RET: variants seen among roughly 807,000 people sequenced by gnomAD.
RET encodes proto-oncogene tyrosine-protein kinase receptor Ret.
A neutral mutation model predicts 118.3 loss-of-function variants in RET; 19 were observed. The observed-to-expected ratio is 0.16, with a 90% CI of 0.11 to 0.24. RET has a LOEUF of 0.24. RET is among the 10% of genes least tolerant of loss of function. The pLI is 1.00. For synonymous variants in RET, 597 were observed against 644.1 expected, an observed-to-expected ratio of 0.93 and a Z score of 1.11; for missense variants, 1,219 against 1,502.1, an observed-to-expected ratio of 0.81 and a Z score of 3.12.
In RET at chr10:43,105,166, C is replaced by T. The variant is rs2132708892; in HGVS notation, c.840C>T (p.Ser280=). 6.2e-7 allele frequency: 1 copy of T among 1,612,838 alleles called. No individual in the cohort carries two copies. The highest frequency in any genetic ancestry group is 8.5e-7 in the Non-Finnish European group (1 of 1,179,880). Residue 280 remains serine, a synonymous_variant, in exon 4 of 20, where the codon AGC becomes AGT. Transcript: ENST00000355710. ...TCCCCGCGGGCGTCGACACCGCCAGCGCCGTGGTGGAGTTCAAGCGGAAGG... is the reference window on the plus strand; with the variant it reads ...TCCCCGCGGGCGTCGACACCGCCAGTGCCGTGGTGGAGTTCAAGCGGAAGG... ...PTFPAGVDTA[S]AVVEFKRKED...
At position 43,109,164 on chromosome 10, in the gene RET, G is replaced by T. The variant is rs148371113; in HGVS notation, c.1197G>T (p.Pro399=). The T allele has an allele frequency of 6.2e-7, 1 of 1,613,820 alleles. No homozygotes were observed. The highest frequency in any genetic ancestry group is 8.5e-7 in the Non-Finnish European group (1 of 1,180,036). Residue 399 remains proline, a synonymous_variant, in exon 6 of 20, where the codon CCG becomes CCT. Coordinates refer to ENST00000355710, the MANE Select transcript of RET (RefSeq NM_020975.6). ...LLLHFNVSVL[P]VSLHLPSTYS... ...TCCACTTCAACGTGTCGGTGCTGCC[G>T]GTCAGCCTGCACCTGCCCAGTACCT...
chr10:43,114,628 C>G lies in RET; in HGVS notation c.2028C>G (p.Phe676Leu), dbSNP rs1412224986. Residue 676 changes from phenylalanine (F) to leucine (L), a missense_variant, in exon 11 of 20, where the codon TTC becomes TTG. By Grantham distance (22) the Phe-to-Leu change is conservative (BLOSUM62 0). Coordinates refer to ENST00000355710, the MANE Select transcript of RET (RefSeq NM_020975.6). The surrounding 1 kb of genome is among the most constrained non-coding windows in gnomAD (Gnocchi z 4.6). The part of the protein sequence containing the change: ...KPPISSAEMT[F>L]RRPAQAFPVS... ...CCATCTCCTCAGCTGAGATGACCTT[C>G]CGGAGGCCCGCCCAGGCCTTCCCGG... 6.2e-7 allele frequency: 1 copy of G among 1,613,116 alleles called. No homozygotes were observed.
chr10:43,118,150 C>T (rs1356044738), intron 12 of RET, among the ~76,000 whole-genome samples: 2 of 152,174 alleles, frequency 1.3e-5, no homozygotes, highest in Non-Finnish European at 2.9e-5. Flanking sequence ...GGGAAAGATC[C>T]GGCATGTGTG....
chr10:43,101,935 T>C (rs951449921), intron 2 of RET, among the ~76,000 whole-genome samples: 6 of 152,198 alleles, frequency 3.9e-5, no homozygotes, highest in African/African-American at 1.4e-4. Flanking sequence ...GTGATGGAAC[T>C]TGCCGGAAAT....
intron 2 of RET, 174 bp from the exon 3 acceptor site, chr10:43,102,168 G>A (rs78520167): frequency 8.7e-6 from 6 of 691,244 alleles, no homozygotes; most frequent in Non-Finnish European, 9.6e-6. Context: ...TGGGCAGCAG[G>A]GCTGTGCAGC....
Position 43,078,702 on chromosome 10 carries a change from C to T in RET, c.73+1371C>T, listed in dbSNP as rs115193518. Reference sequence around the variant, plus strand: ...TGCTGGTGTGCTGGGCAGAGGACTTCCCCACACCCTTCCACAGCCTTGCGT... The same window carrying T: ...TGCTGGTGTGCTGGGCAGAGGACTTTCCCACACCCTTCCACAGCCTTGCGT... On this transcript the variant is annotated intron_variant, in intron 1 of 19. Coordinates refer to ENST00000355710, the MANE Select transcript of RET (RefSeq NM_020975.6). Among the ~76,000 whole-genome samples, 1,066 of 152,336 alleles carry T rather than the reference C, an allele frequency of 7.0e-3. 11 individuals are homozygous for T. Among genetic ancestry groups the T allele is most frequent in the African/African-American group, 0.025 (1,023 of 41,574 alleles).
chr10:43,119,042 T>C (rs1838140131), intron 13 of RET, among the ~76,000 whole-genome samples: 1 of 151,826 alleles, frequency 6.6e-6, no homozygotes, highest in Non-Finnish European at 1.5e-5. Context: ...ACACCGGGAG[T>C]GCGCAGCAGG....
At position 43,129,481 on chromosome 10, in the gene RET, C is replaced by T. The variant is rs551902553; in HGVS notation, c.*1212C>T. 17 of 234,346 alleles carry T rather than the reference C, an allele frequency of 7.3e-5. No individual in the cohort carries two copies. In the South Asian group the frequency reaches 1.6e-3, roughly 22 times the overall value. 14.5% of individuals were successfully genotyped at this position (234,346 alleles called of 1,614,324 possible). Reference sequence around the variant, plus strand: ...TTAGATTCTGACCATGACTCATAAGCTTCTTGTCATTCTTCATTGCTTGTT... The same window carrying T: ...TTAGATTCTGACCATGACTCATAAGTTTCTTGTCATTCTTCATTGCTTGTT... On this transcript the variant is annotated 3_prime_UTR_variant, in exon 20 of 20. Transcript: ENST00000355710.
intron 16 of RET, 24 bp from the exon 17 acceptor site, chr10:43,123,647 C>CACT (rs1564500574): frequency 6.2e-7 from 1 of 1,614,024 alleles, no homozygotes. Context: ...TGGAGCCACT[C>CACT]ACTGGTCCTT....
At chr10:43,087,251 A>G (rs1046278193) in intron 1 of RET, among the ~76,000 whole-genome samples, 9 of 152,198 alleles carry the variant, frequency 5.9e-5, no homozygotes, top group African/African-American at 1.9e-4. Flanking sequence ...CTGCTCTTCC[A>G]GCTACTGGCC....
intron 9 of RET, 65 bp from the exon 10 acceptor site, chr10:43,113,491 G>A: frequency 1.3e-6 from 2 of 1,526,600 alleles, no homozygotes; most frequent in Non-Finnish European, 1.8e-6. Flanking sequence ...ACACTGCCCT[G>A]GAAATATGGG....
intron 1 of RET, among the ~76,000 whole-genome samples, chr10:43,096,554 C>T (rs781567466): frequency 1.3e-5 from 2 of 152,160 alleles, no homozygotes; most frequent in African/African-American, 2.4e-5. Flanking sequence ...CAGAGGTGCA[C>T]GCCTGGCTGC....
Position 43,077,131 on chromosome 10 carries a change from C to T in RET, c.-128C>T. On this transcript the variant is annotated 5_prime_UTR_variant, in exon 1 of 20. Transcript: ENST00000355710. ...GTGCCCCGGAACGTGCGTCGCGCCCCCAGTGTCCGTCGCGTCCGCCGCGCC... is the reference window on the plus strand; with the variant it reads ...GTGCCCCGGAACGTGCGTCGCGCCCTCAGTGTCCGTCGCGTCCGCCGCGCC... 1.6e-6 allele frequency: 2 copies of T among 1,261,344 alleles called. No individual in the cohort carries two copies. The highest frequency in any genetic ancestry group is 2.0e-6 in the Non-Finnish European group (2 of 991,078). The allele number at this position is 1,261,344 out of a possible 1,614,324, so 78.1% of individuals were successfully genotyped here. A position where few individuals can be genotyped will look rare whatever the true frequency, so the allele number is the denominator to read the frequency against.
At chr10:43,083,489 G>A (rs940647550) in intron 1 of RET, among the ~76,000 whole-genome samples, 1 of 152,208 alleles carries the variant, frequency 6.6e-6, no homozygotes, top group South Asian at 2.1e-4. Context: ...ATGTGCACAG[G>A]AGGGCACAGA....
In RET at chr10:43,126,549, A is replaced by G. The variant is rs139080542; in HGVS notation, c.3040-26A>G. 5.1e-5 allele frequency: 81 copies of G among 1,601,264 alleles called. No individual in the cohort carries two copies. The African/African-American group carries it at 9.9e-4, about 20-fold the overall frequency. The stretch of plus-strand genomic sequence containing the variant: ...TATCTAGTTGTGGCACATGGCTTGG[A>G]GTGACCGGCCATCTCTGTCTTCCAG... On this transcript the variant is annotated intron_variant, in intron 18 of 19. Coordinates refer to ENST00000355710, the MANE Select transcript of RET (RefSeq NM_020975.6).
At chr10:43,126,424 C>A in intron 18 of RET, 151 bp from the exon 19 acceptor site, 1 of 774,598 alleles carries the variant, frequency 1.3e-6, no homozygotes, top group Admixed American at 1.8e-5. Context: ...GAGCTCTATG[C>A]AGCCTGGCCC....
chr10:43,080,293 T>C (rs747341190), intron 1 of RET, among the ~76,000 whole-genome samples: 5 of 152,216 alleles, frequency 3.3e-5, no homozygotes, highest in Non-Finnish European at 7.3e-5. Context: ...CTCTGCAGCC[T>C]GGCCGAAGAC....
At chr10:43,095,156 G>A (rs1837496099) in intron 1 of RET, among the ~76,000 whole-genome samples, 1 of 152,162 alleles carries the variant, frequency 6.6e-6, no homozygotes, top group African/African-American at 2.4e-5. Flanking sequence ...GCAGGCTCAG[G>A]TCTGGCAGGA....
chr10:43,104,369 T>G (rs1158818780), intron 3 of RET, among the ~76,000 whole-genome samples: 1 of 151,206 alleles, frequency 6.6e-6, no homozygotes, highest in Middle Eastern at 3.5e-3. Flanking sequence ...ATACAAAAAT[T>G]AGCCGGGCAT....
Sources: allele counts gnomAD v4.1 joint callset (sites outside exome capture counted in the v4.1 genomes callset), GRCh38; gene constraint gnomAD v4.1.1; non-coding constraint Gnocchi (gnomAD v3.1); transcripts MANE v1.5; gene names NCBI Gene and HGNC (gene_info 2026-07-23, HGNC 2026-07-21).